MYPN: variants seen among roughly 807,000 people sequenced by gnomAD.
The protein encoded by MYPN is myopalladin.
A neutral mutation model predicts 129.4 loss-of-function variants in MYPN; 63 were observed. The observed-to-expected ratio is 0.49, with a 90% CI of 0.40 to 0.60. The LOEUF is 0.60. Ranked by LOEUF, MYPN falls within the 20% of genes least tolerant of loss-of-function variation. The pLI, the probability that MYPN is intolerant of heterozygous loss-of-function variation, is 0.00. For missense variants in MYPN, 1,596 were observed against 1,635.4 expected, an observed-to-expected ratio of 0.98 and a Z score of 0.42; for synonymous variants, 629 against 600.9, an observed-to-expected ratio of 1.05 and a Z score of -0.68.
upstream of MYPN, chr10:68,106,552 GT>G: frequency 3.0e-6 from 2 of 673,568 alleles, no homozygotes; most frequent in Non-Finnish European, 2.7e-6. Context: ...GTTTTGTTTA[GT>G]TTTTTCATCT....
intron 2 of MYPN, among the ~76,000 whole-genome samples, chr10:68,132,164 T>C (rs1330169465): frequency 6.6e-6 from 1 of 152,224 alleles, no homozygotes; most frequent in Non-Finnish European, 1.5e-5. Flanking sequence ...TGTTGTAAGT[T>C]CTGATGTCTA....
chr10:68,121,464 C>T lies in MYPN; in HGVS notation c.26C>T (p.Ser9Phe). Residue 9 changes from serine (S) to phenylalanine (F), a missense_variant, in exon 2 of 20, where the codon TCT (serine) becomes TTT (phenylalanine). Ser to Phe is a radical substitution (Grantham distance 155, BLOSUM62 -2). Coordinates refer to ENST00000358913, the MANE Select transcript of MYPN (RefSeq NM_032578.4). The part of the protein sequence containing the change: MQDDSIEA[S>F]TSISQLLRES... ...ATGCAAGACGACAGCATAGAAGCTT[C>T]TACTTCCATATCTCAGCTTCTAAGA... 6.2e-7 allele frequency: 1 copy of T among 1,613,068 alleles called. No individual in the cohort carries two copies. Among genetic ancestry groups the T allele is most frequent in the South Asian group, 1.1e-5 (1 of 90,930 alleles).
upstream of MYPN, chr10:68,106,701 A>T (rs1250155276): frequency 2.8e-6 from 2 of 716,592 alleles, no homozygotes; most frequent in Non-Finnish European, 2.6e-6. Flanking sequence ...TTTTATATGA[A>T]TCTACTAGCA....
chr10:68,194,520 C>G lies in MYPN; in HGVS notation c.3075+8C>G, dbSNP rs767145495. ...ATGGCAGCCAACCCCCAGGTGGAGA[C>G]GCAGGGTTCTGCGCTGTGCTGCACT... On this transcript the variant is annotated splice_region_variant and intron_variant, in intron 14 of 19. Coordinates refer to ENST00000358913, the MANE Select transcript of MYPN (RefSeq NM_032578.4). 6.2e-7 allele frequency: 1 copy of G among 1,612,652 alleles called. No individual in the cohort carries two copies. The highest frequency in any genetic ancestry group is 1.3e-5 in the African/African-American group (1 of 74,992).
chr10:68,118,346 A>G lies in MYPN; in HGVS notation c.-1-3092A>G, dbSNP rs2042187774. Among the ~76,000 whole-genome samples, 3 of 152,196 alleles carry G rather than the reference A, an allele frequency of 2.0e-5. No homozygotes were observed. The South Asian group carries it at 6.2e-4, about 32-fold the overall frequency. ...ATTAATCCTTACTCCCCTGGGAAAT[A>G]GATTTTTTCATGTTTTACAGATGAA... On this transcript the variant is annotated intron_variant, in intron 1 of 19. Coordinates refer to ENST00000358913, the MANE Select transcript of MYPN (RefSeq NM_032578.4).
intron 12 of MYPN, among the ~76,000 whole-genome samples, chr10:68,176,289 GTTTTCTT>G (rs1313999117): frequency 5.3e-5 from 8 of 152,240 alleles, no homozygotes; most frequent in Non-Finnish European, 7.4e-5. Context: ...TAGACTGAAC[GTTTTCTT>G]ATTTGAGGCA....
chr10:68,108,996 C>T (rs1448625314), upstream of MYPN, among the ~76,000 whole-genome samples: 4 of 152,302 alleles, frequency 2.6e-5, no homozygotes, highest in East Asian at 7.7e-4. Context: ...GCTGGGATTA[C>T]AGGAGTGAGC....
chr10:68,095,221 A>C (rs1395710960), intron 1 of MYPN, among the ~76,000 whole-genome samples: 1 of 151,734 alleles, frequency 6.6e-6, no homozygotes, highest in Admixed American at 6.6e-5. Context: ...GTGGAGTCAC[A>C]TATCTGTGGT....
At chr10:68,093,101 C>T (rs1270734216) in intron 1 of MYPN, among the ~76,000 whole-genome samples, 1 of 152,072 alleles carries the variant, frequency 6.6e-6, no homozygotes, top group African/African-American at 2.4e-5. Context: ...CTCCCATGAA[C>T]CCTTGAGCTC....
At chr10:68,104,748 AT>A (rs1289060968), upstream of MYPN, among the ~76,000 whole-genome samples, 1 of 152,052 alleles carries the variant, frequency 6.6e-6, no homozygotes, top group Non-Finnish European at 1.5e-5. Flanking sequence ...CCCTTAGAAT[AT>A]TTACTAAAAG....
chr10:68,134,936 ATTATTTTATT>A (rs1289128367), intron 2 of MYPN, among the ~76,000 whole-genome samples: 2 of 151,980 alleles, frequency 1.3e-5, no homozygotes, highest in East Asian at 1.9e-4. Flanking sequence ...AACTCAATAA[ATTATTTTATT>A]TTATTTTATT....
chr10:68,193,289 T>A (rs1223107262), intron 13 of MYPN, among the ~76,000 whole-genome samples: 1 of 152,136 alleles, frequency 6.6e-6, no homozygotes, highest in Non-Finnish European at 1.5e-5. Context: ...CCATCAGGAA[T>A]GAGATCATTA....
intron 1 of MYPN, among the ~76,000 whole-genome samples, chr10:68,115,258 CAAAAAAAAAAAAAA>C (rs58484168): frequency 1.9e-5 from 1 of 53,646 alleles, no homozygotes; most frequent in Admixed American, 2.1e-4. Context: ...AACTCCATCT[CAAAAAAAAAAAAAA>C]AAAAAAAAGT....
At chr10:68,100,960 G>A (rs1270623968) in intron 1 of MYPN, among the ~76,000 whole-genome samples, 1 of 152,106 alleles carries the variant, frequency 6.6e-6, no homozygotes, top group Non-Finnish European at 1.5e-5. Context: ...GAGAGTCTAG[G>A]CCATTTGATC....
chr10:68,160,447 A>AAC lies in MYPN; in HGVS notation c.1460-1281_1460-1280insCA, dbSNP rs1554844474. On this transcript the variant is annotated intron_variant, in intron 7 of 19. Coordinates refer to ENST00000358913, the MANE Select transcript of MYPN (RefSeq NM_032578.4). ...CTTATCTCAAAAAAAAAAAAAAAAA[A>AAC]AAAAAAAACAGAGAGAGAGAAAAAA... Among the ~76,000 whole-genome samples, 8 of 151,018 alleles carry AAC rather than the reference A, an allele frequency of 5.3e-5. 1 individual carries two copies. The highest frequency in any genetic ancestry group is 1.9e-4 in the African/African-American group (8 of 41,130).
intron 12 of MYPN, among the ~76,000 whole-genome samples, chr10:68,182,473 C>T (rs150652178): frequency 0.33 from 27,623 of 83,464 alleles, 4,630 homozygotes; most frequent in Non-Finnish European, 0.43. Flanking sequence ...AACATATATA[C>T]ACACACACAC....
rs71535773 is a variant in MYPN at position 68,206,562 on chromosome 10, G to C, written c.3660-208G>C. On this transcript the variant is annotated intron_variant, in intron 18 of 19. Transcript: ENST00000358913. The stretch of plus-strand genomic sequence containing the variant: ...CAACTTCAGTGGACTTGCAGCAGTG[G>C]GGAGGGCAACAGCAGGTCTCAGCCC... 0.012 allele frequency among the ~76,000 whole-genome samples: 1,822 copies of C among 152,190 alleles called. 23 individuals are homozygous for C. Among genetic ancestry groups the C allele is most frequent in the Middle Eastern group, 0.054 (16 of 294 alleles).
chr10:68,197,303 T>C lies in MYPN; in HGVS notation c.3159-49T>C, dbSNP rs1564696045. ...TGCCTAAATGCCTATTATCATAAGTTTGTAAATTTATTTCTATGTTTAATA... is the reference window on the plus strand; with the variant it reads ...TGCCTAAATGCCTATTATCATAAGTCTGTAAATTTATTTCTATGTTTAATA... On this transcript the variant is annotated intron_variant, in intron 15 of 19. Transcript: ENST00000358913. The C allele has an allele frequency of 2.5e-6, 4 of 1,605,154 alleles. No homozygotes were observed. In the African/African-American group the frequency reaches 4.0e-5, roughly 16 times the overall value.
chr10:68,098,951 C>G (rs540053196), intron 1 of MYPN, among the ~76,000 whole-genome samples: 99 of 152,182 alleles, frequency 6.5e-4, no homozygotes, highest in Middle Eastern at 3.4e-3. Context: ...ATAAAGTTCA[C>G]GAAGCAATTA....
Sources: gnomAD v4.1 joint callset for allele counts (sites outside exome capture counted in the v4.1 genomes callset) on GRCh38, gnomAD v4.1.1 for gene constraint, MANE v1.5 for transcripts, NCBI Gene and HGNC (gene_info 2026-07-23, HGNC 2026-07-21) for gene names.